The following KLHDC4 variants were observed in gnomAD, a reference collection of about 807,000 sequenced individuals.
KLHDC4 encodes the protein kelch domain containing 4, also known as kelch domain-containing protein 4.
A neutral mutation model predicts 62.4 loss-of-function variants in KLHDC4; 90 were observed. The ratio of observed to expected loss-of-function variants is 1.44; its 90% confidence interval spans 1.22 to 1.72. KLHDC4 has a LOEUF of 1.72. Among genes scored for constraint, KLHDC4 ranks in the 40% most tolerant of loss-of-function variants. The pLI is 0.00. For missense variants in KLHDC4, 1,025 were observed against 699.7 expected (o/e 1.47, Z -5.25); for synonymous variants, 386 against 284.4 (o/e 1.36, Z -3.59).
chr16:87,761,130 G>A (rs2045828932), intron 2 of KLHDC4, among the ~76,000 whole-genome samples: 1 of 152,226 alleles, frequency 6.6e-6, no homozygotes, highest in African/African-American at 2.4e-5. Flanking sequence ...AAATCCTAAT[G>A]GACATGAAGT....
chr16:87,729,123 G>T (rs1227953102), intron 6 of KLHDC4, among the ~76,000 whole-genome samples: 3 of 152,056 alleles, frequency 2.0e-5, no homozygotes. Flanking sequence ...TTTCCCCCTT[G>T]AAAAGTATTT....
chr16:87,743,812 T>G (rs1363909801), intron 5 of KLHDC4, among the ~76,000 whole-genome samples: 1 of 152,146 alleles, frequency 6.6e-6, no homozygotes, highest in African/African-American at 2.4e-5. Context: ...AGGTCAGGAT[T>G]TGACACTCTT....
chr16:87,744,625 C>G (rs1231492194), intron 5 of KLHDC4, among the ~76,000 whole-genome samples: 2 of 150,580 alleles, frequency 1.3e-5, no homozygotes, highest in Non-Finnish European at 3.0e-5. Flanking sequence ...TGGTAAAGCT[C>G]ATAAAAACAA....
chr16:87,758,560 G>C (rs914292003), intron 2 of KLHDC4, among the ~76,000 whole-genome samples: 17 of 152,144 alleles, frequency 1.1e-4, no homozygotes, highest in Admixed American at 4.6e-4. Context: ...GAAACAGGGA[G>C]CAACCATTGA....
At chr16:87,726,091 T>A (rs923818960) in intron 7 of KLHDC4, among the ~76,000 whole-genome samples, 1 of 152,138 alleles carries the variant, frequency 6.6e-6, no homozygotes, top group East Asian at 1.9e-4. Context: ...GAACTGTTTA[T>A]ATTCAACCAA....
intron 7 of KLHDC4, among the ~76,000 whole-genome samples, chr16:87,725,071 A>G (rs1319875672): frequency 2.1e-5 from 3 of 143,966 alleles, no homozygotes; most frequent in Non-Finnish European, 4.5e-5. Context: ...GCTGAGGGAA[A>G]GAAGACTGGC....
intron 7 of KLHDC4, among the ~76,000 whole-genome samples, chr16:87,725,716 G>C (rs8060890): frequency 6.6e-6 from 1 of 152,106 alleles, no homozygotes; most frequent in African/African-American, 2.4e-5. Flanking sequence ...CCTCTGTGAA[G>C]CACACGCCCC....
At chr16:87,719,099 G>T (rs1006506432) in intron 7 of KLHDC4, among the ~76,000 whole-genome samples, 5 of 151,658 alleles carry the variant, frequency 3.3e-5, no homozygotes, top group Non-Finnish European at 7.4e-5. Flanking sequence ...GGGAGGTGGT[G>T]GATGCCTCTG....
At chr16:87,751,938 G>A (rs1336434251) in intron 4 of KLHDC4, among the ~76,000 whole-genome samples, 16 of 150,982 alleles carry the variant, frequency 1.1e-4, no homozygotes, top group East Asian at 5.9e-4. Context: ...AGCCAGGCAC[G>A]GTGGCAGGTG....
chr16:87,729,034 C>G (rs1269344028), intron 6 of KLHDC4, among the ~76,000 whole-genome samples: 1 of 152,112 alleles, frequency 6.6e-6, no homozygotes, highest in Admixed American at 6.5e-5. Flanking sequence ...ACCTCAGCCT[C>G]CCAAAGTGCT....
chr16:87,747,376 AAAAGGAAT>A (rs1426740857), intron 5 of KLHDC4, among the ~76,000 whole-genome samples: 1 of 152,260 alleles, frequency 6.6e-6, no homozygotes, highest in Non-Finnish European at 1.5e-5. Context: ...AGCGGGCTCC[AAAAGGAAT>A]AAAGCAAAAG....
chr16:87,718,794 G>C (rs1037121054), intron 7 of KLHDC4, among the ~76,000 whole-genome samples: 3 of 151,332 alleles, frequency 2.0e-5, no homozygotes, highest in African/African-American at 7.3e-5. Flanking sequence ...GTCTCTGACC[G>C]GCCGCCCATC....
At chr16:87,724,971 CAG>C (rs1053977855) in intron 7 of KLHDC4, among the ~76,000 whole-genome samples, 47 of 152,332 alleles carry the variant, frequency 3.1e-4, no homozygotes, top group African/African-American at 1.1e-3. Context: ...CAACGAAAAA[CAG>C]AACCACAAAC....
At chr16:87,698,428 G>A (rs2033993029) in exon 1 of KLHDC4, 1 of 152,200 alleles carries the variant, frequency 6.6e-6, no homozygotes, top group Admixed American at 6.5e-5. Flanking sequence ...AGCTGCTTTT[G>A]TACATTCCAG....
At chr16:87,713,584 C>A (rs564794789) in intron 8 of KLHDC4, among the ~76,000 whole-genome samples, 4 of 152,126 alleles carry the variant, frequency 2.6e-5, no homozygotes, top group African/African-American at 7.2e-5. Flanking sequence ...ATGCTCCACA[C>A]AGGCACGGCT....
chr16:87,748,743 C>T lies in KLHDC4; in HGVS notation c.436G>A (p.Gly146Arg), dbSNP rs141582040. Reference sequence around the variant, plus strand: ...TCCTTGTAGTGGTAGAACTGCTCTCCGTTGGGAGAGGCAAACTCCCCTCCA... The same window carrying T: ...TCCTTGTAGTGGTAGAACTGCTCTCTGTTGGGAGAGGCAAACTCCCCTCCA... ...VFGGEFASPNGEQFYHYKDLW... is the reference protein window; with the variant it reads ...VFGGEFASPNREQFYHYKDLW... Residue 146 changes from glycine (G) to arginine (R), a missense_variant, in exon 5 of 12, where the codon GGA becomes AGA. Gly to Arg is a moderately radical substitution (Grantham distance 125). Transcript: ENST00000270583. 1,561 of 1,613,456 alleles carry T rather than the reference C, an allele frequency of 9.7e-4. 12 individuals are homozygous for T. The African/African-American group carries it at 0.013, about 13-fold the overall frequency.
At chr16:87,732,564 A>G (rs1416969845) in intron 5 of KLHDC4, among the ~76,000 whole-genome samples, 1 of 152,222 alleles carries the variant, frequency 6.6e-6, no homozygotes, top group East Asian at 1.9e-4. Context: ...TAATACAATC[A>G]CACACAAATA....
At position 87,708,381 on chromosome 16, in the gene KLHDC4, GTCT is replaced by G. The variant is rs768991176; in HGVS notation, c.1530_1532del (p.Glu510del). Reference sequence around the variant, plus strand: ...CCTCCGCACCGCTCTCCTCTCCGCTGTCTTCGTCGTCGACCCCACCCTCGGCGC... The same window carrying G: ...CCTCCGCACCGCTCTCCTCTCCGCTGTCGTCGTCGACCCCACCCTCGGCGC... On this transcript the variant is annotated inframe_deletion, in exon 11 of 12. Transcript: ENST00000270583. The G allele has an allele frequency of 3.1e-6, 5 of 1,610,326 alleles. 1 individual carries two copies. In the South Asian group the frequency reaches 4.4e-5, roughly 14 times the overall value.
At chr16:87,764,646 C>CAAAAAA (rs564692904) in intron 1 of KLHDC4, among the ~76,000 whole-genome samples, 6 of 33,834 alleles carry the variant, frequency 1.8e-4, no homozygotes, top group African/African-American at 3.0e-4. Context: ...GAAACTCCTT[C>CAAAAAA]AAAAAAAAAA....
Sources: allele counts gnomAD v4.1 joint callset (sites outside exome capture counted in the v4.1 genomes callset), GRCh38; gene constraint gnomAD v4.1.1; transcripts MANE v1.5; gene names NCBI Gene and HGNC (gene_info 2026-07-23, HGNC 2026-07-21).